The following AGAP1 variants were observed in gnomAD, a reference collection of about 807,000 sequenced individuals.
AGAP1 encodes the protein ArfGAP with GTPase domain, ankyrin repeat and PH domain 1.
In AGAP1, 29 loss-of-function variants were observed where a neutral mutation model predicts 105.3. The observed-to-expected ratio is 0.28, with a 90% CI of 0.21 to 0.38. AGAP1 has a LOEUF of 0.38. AGAP1 is among the 10% of genes least tolerant of loss of function. The pLI is 1.00. For missense variants in AGAP1, 998 were observed against 1,165.1 expected, an observed-to-expected ratio of 0.86 and a Z score of 2.09; for synonymous variants, 509 against 485.9, an observed-to-expected ratio of 1.05 and a Z score of -0.63.
rs557883041 is a variant in AGAP1, at chr2:236,036,265, A to T, written c.1646-296A>T. Among the ~76,000 whole-genome samples the T allele has an allele frequency of 5.3e-5, 8 of 152,274 alleles. No individual in the cohort carries two copies. The highest frequency in any genetic ancestry group is 1.2e-4 in the Non-Finnish European group (8 of 68,008). On this transcript the variant is annotated intron_variant, in intron 13 of 17. Coordinates refer to ENST00000304032, the MANE Select transcript of AGAP1 (RefSeq NM_001037131.3). This position sits in a 1 kb window ranked among gnomAD's most constrained non-coding sequence, Gnocchi z 5.7. ...CATGAGTTACATGGTTATTCTCCTA[A>T]GTTGCTTTGTGTGTGCACCACACAG...
At chr2:235,933,504 G>A (rs2052827406) in intron 12 of AGAP1, among the ~76,000 whole-genome samples, 1 of 151,836 alleles carries the variant, frequency 6.6e-6, no homozygotes, top group African/African-American at 2.4e-5. Context: ...CAGCTTTATG[G>A]GGGTCTTGGT....
chr2:235,966,798 G>T (rs1195603366), intron 12 of AGAP1, among the ~76,000 whole-genome samples: 1 of 152,108 alleles, frequency 6.6e-6, no homozygotes, highest in East Asian at 1.9e-4. Flanking sequence ...ATGCAATGAA[G>T]GGTGACGCTT....
chr2:236,099,934 G>A (rs573854158), intron 16 of AGAP1, among the ~76,000 whole-genome samples: 11 of 152,120 alleles, frequency 7.2e-5, no homozygotes, highest in Non-Finnish European at 1.5e-4. Context: ...CAGCTACCCA[G>A]GAGGCTAAGA....
intron 10 of AGAP1, among the ~76,000 whole-genome samples, chr2:235,907,577 C>G (rs953835014): frequency 4.6e-5 from 7 of 152,206 alleles, no homozygotes; most frequent in Non-Finnish European, 8.8e-5. Flanking sequence ...ATTCCCACTT[C>G]CTGCATAGTC....
chr2:235,628,015 CA>C (rs1946698077), intron 1 of AGAP1, among the ~76,000 whole-genome samples: 1 of 152,118 alleles, frequency 6.6e-6, no homozygotes. Flanking sequence ...TTGACTGACA[CA>C]GGGAGAGGGT....
At position 235,728,301 on chromosome 2, in the gene AGAP1, C is replaced by CTGTGTGTGTGTGTGTGTGTG. The variant is rs143714801; in HGVS notation, c.310+10664_310+10683dup. Reference sequence around the variant, plus strand: ...ATCTGAAAAGGACTGGGCCCAGACTCTGTGTGTGTGTGTGTGTGTGTGTGT... The same window carrying CTGTGTGTGTGTGTGTGTGTG: ...ATCTGAAAAGGACTGGGCCCAGACTCTGTGTGTGTGTGTGTGTGTGTGTGTGTGTGTGTGTGTGTGTGTGT... On this transcript the variant is annotated intron_variant, in intron 3 of 17. Coordinates refer to ENST00000304032, the MANE Select transcript of AGAP1 (RefSeq NM_001037131.3). The surrounding 1 kb of genome is among the most constrained non-coding windows in gnomAD (Gnocchi z 4.3). Among the ~76,000 whole-genome samples the CTGTGTGTGTGTGTGTGTGTG allele has an allele frequency of 2.8e-4, 42 of 148,616 alleles. 1 individual carries two copies. Among genetic ancestry groups the CTGTGTGTGTGTGTGTGTGTG allele is most frequent in the African/African-American group, 9.9e-4 (40 of 40,262 alleles).
At chr2:235,929,666 C>G (rs1314180937) in intron 11 of AGAP1, among the ~76,000 whole-genome samples, 3 of 152,128 alleles carry the variant, frequency 2.0e-5, no homozygotes, top group African/African-American at 7.2e-5. Flanking sequence ...GAGGGGAGAC[C>G]TGGTTCCTGC....
In AGAP1 at chr2:236,096,455, C is replaced by G. The variant is rs955875487; in HGVS notation, c.2115-23737C>G. ...GGCAGAGGTTGCAGTGAGCCAAGAT[C>G]GCACCACTGCACTCCAGCCTTGGGG... On this transcript the variant is annotated intron_variant, in intron 16 of 17. Transcript: ENST00000304032. The surrounding 1 kb of genome is among the most constrained non-coding windows in gnomAD (Gnocchi z 4.4). Among the ~76,000 whole-genome samples, 2 of 150,872 alleles carry G rather than the reference C, an allele frequency of 1.3e-5. No individual in the cohort carries two copies. Among genetic ancestry groups the G allele is most frequent in the Non-Finnish European group, 2.9e-5 (2 of 67,820 alleles).
chr2:235,720,563 C>T lies in AGAP1; in HGVS notation c.310+2919C>T. ...GGTGTACTGCTGCCTTCTCATCAGA[C>T]CTCCTTTCCTCTTACAACTGCTAGA... On this transcript the variant is annotated intron_variant, in intron 3 of 17. Transcript: ENST00000304032. The surrounding 1 kb of genome is among the most constrained non-coding windows in gnomAD (Gnocchi z 5.0). 4.8e-6 allele frequency: 3 copies of T among 630,424 alleles called. No individual in the cohort carries two copies. Among genetic ancestry groups the T allele is most frequent in the African/African-American group, 2.0e-5 (1 of 50,126 alleles). The allele number at this position is 630,424 out of a possible 1,614,324, so 39.1% of individuals were successfully genotyped here.
At position 236,104,109 on chromosome 2, in the gene AGAP1, G is replaced by T. The variant is rs910108267; in HGVS notation, c.2115-16083G>T. On this transcript the variant is annotated intron_variant, in intron 16 of 17. Transcript: ENST00000304032. This position sits in a 1 kb window ranked among gnomAD's most constrained non-coding sequence, Gnocchi z 4.7. ...CTTCCCACTTGCATTTAGGTGGGGGGCCTTGGGCAGTGGGTCTGCCCCAGG... is the reference window on the plus strand; with the variant it reads ...CTTCCCACTTGCATTTAGGTGGGGGTCCTTGGGCAGTGGGTCTGCCCCAGG... Among the ~76,000 whole-genome samples the T allele has an allele frequency of 1.3e-5, 2 of 152,084 alleles. No individual in the cohort carries two copies. Among genetic ancestry groups the T allele is most frequent in the African/African-American group, 4.8e-5 (2 of 41,308 alleles).
rs1056274411 is a variant in AGAP1, at chr2:235,989,426, G to T, written c.1645+20803G>T. 2.6e-5 allele frequency among the ~76,000 whole-genome samples: 4 copies of T among 152,144 alleles called. No homozygotes were observed. Among genetic ancestry groups the T allele is most frequent in the Non-Finnish European group, 4.4e-5 (3 of 68,028 alleles). ...GGTGAAAACATCAGGAGGAGGGTCC[G>T]CAGCTCGATGGTGATGAGTGTAGGG... is the stretch of plus-strand genomic sequence containing the variant. On this transcript the variant is annotated intron_variant, in intron 13 of 17. Transcript: ENST00000304032. This position sits in a 1 kb window ranked among gnomAD's most constrained non-coding sequence, Gnocchi z 4.4.
chr2:235,682,990 G>A (rs147695823), intron 1 of AGAP1, among the ~76,000 whole-genome samples: 6 of 152,180 alleles, frequency 3.9e-5, no homozygotes, highest in African/African-American at 7.2e-5. Flanking sequence ...CCTGGAAAAC[G>A]CAAAGTAAAT....
intron 9 of AGAP1, among the ~76,000 whole-genome samples, chr2:235,851,164 G>A (rs1445244970): frequency 1.3e-5 from 2 of 152,372 alleles, no homozygotes; most frequent in East Asian, 3.9e-4. Flanking sequence ...CAGGACCTCT[G>A]AGCTCACAGC....
At chr2:235,652,365 G>C (rs943792073) in intron 1 of AGAP1, among the ~76,000 whole-genome samples, 1 of 151,984 alleles carries the variant, frequency 6.6e-6, no homozygotes, top group Admixed American at 6.6e-5. Context: ...TGTGTCCCTG[G>C]AGACCCCTGT....
At chr2:235,674,104 T>G (rs1261001265) in intron 1 of AGAP1, among the ~76,000 whole-genome samples, 2 of 152,218 alleles carry the variant, frequency 1.3e-5, no homozygotes, top group African/African-American at 4.8e-5. Context: ...ATGATTCTCT[T>G]GTACTGTCTG....
intron 9 of AGAP1, among the ~76,000 whole-genome samples, chr2:235,825,133 G>A (rs1488418077): frequency 1.3e-5 from 2 of 152,244 alleles, no homozygotes; most frequent in African/African-American, 4.8e-5. Context: ...TGGATAGAAG[G>A]AGAGACAGCC....
intron 9 of AGAP1, among the ~76,000 whole-genome samples, chr2:235,839,474 C>G (rs2106384075): frequency 1.3e-5 from 2 of 152,318 alleles, no homozygotes; most frequent in Admixed American, 1.3e-4. Context: ...AAGCCGGGCA[C>G]AGTAGCTCAT....
At position 236,129,315 on chromosome 2, in the gene AGAP1, G is replaced by A. The variant is rs1209447041; in HGVS notation, c.*5193G>A. 1 of 152,304 alleles carries A rather than the reference G, an allele frequency of 6.6e-6. No individual in the cohort carries two copies. The highest frequency in any genetic ancestry group is 1.9e-4 in the East Asian group (1 of 5,190). 9.4% of individuals were successfully genotyped at this position (152,304 alleles called of 1,614,324 possible). A position where few individuals can be genotyped will look rare whatever the true frequency, so the allele number is the denominator to read the frequency against. ...ACAGATCTGCCCCAGCCCTGCTGTG[G>A]GGACGGGCCCTCTATCATTTAACCA... On this transcript the variant is annotated 3_prime_UTR_variant, in exon 18 of 18. Transcript: ENST00000304032. The surrounding 1 kb of genome is among the most constrained non-coding windows in gnomAD (Gnocchi z 6.2).
chr2:235,645,030 G>A (rs1285096745), intron 1 of AGAP1, among the ~76,000 whole-genome samples: 1 of 151,994 alleles, frequency 6.6e-6, no homozygotes, highest in Non-Finnish European at 1.5e-5. Flanking sequence ...TGAGTAGCTG[G>A]GATTACAGGT....
Sources: gnomAD v4.1 joint callset for allele counts (sites outside exome capture counted in the v4.1 genomes callset) on GRCh38, gnomAD v4.1.1 for gene constraint, Gnocchi (gnomAD v3.1) non-coding constraint, MANE v1.5 for transcripts, NCBI Gene and HGNC (gene_info 2026-07-23, HGNC 2026-07-21) for gene names.